ZNF184: variants seen among roughly 807,000 people sequenced by gnomAD.
ZNF184 encodes the protein zinc finger protein 184 (Kruppel-like).
ZNF184 carries 16 observed loss-of-function variants against 54.4 expected under a neutral mutation model. That is an observed-to-expected ratio of 0.29 (90% CI 0.20 to 0.45). The LOEUF is 0.45. ZNF184 is among the 20% of genes least tolerant of loss of function. ZNF184 has a pLI of 1.00. For missense variants in ZNF184, 681 were observed against 888.2 expected (o/e 0.77, Z 2.97); for synonymous variants, 254 against 295.3 (o/e 0.86, Z 1.43).
rs1344946059 is a variant in ZNF184 at position 27,451,808 on chromosome 6, C to T, written c.1751G>A (p.Arg584Gln). 4.3e-6 allele frequency: 7 copies of T among 1,613,638 alleles called. No homozygotes were observed. The highest frequency in any genetic ancestry group is 5.1e-6 in the Non-Finnish European group (6 of 1,179,990). ...IQHRKIHTGE[R>Q]PYKCNECGRA... is the part of the protein sequence containing the mutation. ...CCCACACTCATTACACTTGTAAGGTCGTTCTCCAGTATGGATCTTCCTATG... is the reference window on the plus strand; with the variant it reads ...CCCACACTCATTACACTTGTAAGGTTGTTCTCCAGTATGGATCTTCCTATG... Residue 584 changes from arginine (R) to glutamine (Q), a missense_variant, in exon 6 of 6, where the codon CGA becomes CAA. Transcript: ENST00000683788.
the ZNF184 span, among the ~76,000 whole-genome samples, chr6:27,422,944 T>C: frequency 6.6e-6 from 1 of 152,170 alleles, no homozygotes; most frequent in Non-Finnish European, 1.5e-5. Context: ...AGATCCTAGG[T>C]CCCGCATCCC....
downstream of ZNF184, among the ~76,000 whole-genome samples, chr6:27,450,137 C>T (rs1762683405): frequency 6.6e-6 from 1 of 152,188 alleles, no homozygotes; most frequent in Admixed American, 6.5e-5. Context: ...ATCTCACTGA[C>T]TGTCAAAACA....
At chr6:27,454,147 A>G (rs1762799174) in intron 5 of ZNF184, among the ~76,000 whole-genome samples, 2 of 152,220 alleles carry the variant, frequency 1.3e-5, no homozygotes, top group Admixed American at 1.3e-4. Context: ...TGACAACTAA[A>G]AGAAGCAGGG....
chr6:27,431,877 G>A, the ZNF184 span, among the ~76,000 whole-genome samples: 1 of 152,142 alleles, frequency 6.6e-6, no homozygotes, highest in Non-Finnish European at 1.5e-5. Flanking sequence ...TGGTTTAGAT[G>A]TCAAGACTGA....
chr6:27,446,956 C>T (rs1409979234), downstream of ZNF184, among the ~76,000 whole-genome samples: 2 of 151,896 alleles, frequency 1.3e-5, no homozygotes, highest in South Asian at 4.2e-4. Context: ...ACCAGCCTGG[C>T]CAACCTGGTG....
At chr6:27,419,491 A>G in the ZNF184 span, among the ~76,000 whole-genome samples, 1 of 152,038 alleles carries the variant, frequency 6.6e-6, no homozygotes, top group East Asian at 1.9e-4. The surrounding 1 kb of genome is among the most constrained non-coding windows in gnomAD (Gnocchi z 4.8). Context: ...GATTCTGTAT[A>G]CTTTCCCTGC....
the ZNF184 span, among the ~76,000 whole-genome samples, chr6:27,441,872 T>C: frequency 1.3e-5 from 2 of 152,216 alleles, no homozygotes; most frequent in African/African-American, 4.8e-5. Context: ...CTGAAATACT[T>C]AGTGAACACA....
the ZNF184 span, among the ~76,000 whole-genome samples, chr6:27,415,545 T>C: frequency 1.3e-5 from 2 of 152,116 alleles, no homozygotes; most frequent in Non-Finnish European, 2.9e-5. Flanking sequence ...TTGGATGCAA[T>C]AAGGAATTAA....
rs75556497 is a variant in ZNF184 at position 27,465,961 on chromosome 6, A to C, written c.75+1892T>G. On this transcript the variant is annotated intron_variant, in intron 3 of 5. Transcript: ENST00000683788. ...CCATGTCCCAACCCTGAAACCTGTG[A>C]ATTTGTTACCTAACATGGCAAAAGA... 2.0e-3 allele frequency among the ~76,000 whole-genome samples: 300 copies of C among 152,330 alleles called. 2 individuals are homozygous for C. The highest frequency in any genetic ancestry group is 6.6e-3 in the African/African-American group (274 of 41,564).
chr6:27,464,506 T>C (rs545988020), intron 3 of ZNF184, among the ~76,000 whole-genome samples: 1 of 148,220 alleles, frequency 6.7e-6, no homozygotes, highest in South Asian at 2.1e-4. Flanking sequence ...ATGAAGGAGA[T>C]AAAATAGAAT....
chr6:27,456,681 G>C, intron 5 of ZNF184, 145 bp downstream of exon 5: 1 of 682,254 alleles, frequency 1.5e-6, no homozygotes, highest in South Asian at 2.0e-5. Flanking sequence ...GCATAAGAAA[G>C]TCCAGAAAAC....
chr6:27,419,527 C>CAGATAGAT, the ZNF184 span, among the ~76,000 whole-genome samples: 3,249 of 149,120 alleles, frequency 0.022, 37 homozygotes, highest in African/African-American at 0.029. The surrounding 1 kb of genome is among the most constrained non-coding windows in gnomAD (Gnocchi z 4.8). Context: ...TTTCAATATT[C>CAGATAGAT]AGATAGATAG....
chr6:27,443,078 A>G, the ZNF184 span, among the ~76,000 whole-genome samples: 7 of 152,338 alleles, frequency 4.6e-5, no homozygotes, highest in East Asian at 1.3e-3. Flanking sequence ...ATTTGTCACA[A>G]TGATGGAATT....
chr6:27,454,772 CA>C (rs1762815047), intron 5 of ZNF184, among the ~76,000 whole-genome samples: 1 of 152,176 alleles, frequency 6.6e-6, no homozygotes, highest in Admixed American at 6.5e-5. Context: ...TCCCAAAGAC[CA>C]GATTGAAAAA....
chr6:27,444,642 T>C, the ZNF184 span, among the ~76,000 whole-genome samples: 2 of 152,168 alleles, frequency 1.3e-5, no homozygotes, highest in African/African-American at 4.8e-5. Flanking sequence ...CTACCAAAAC[T>C]GCTCCTAAGA....
chr6:27,422,057 C>T, the ZNF184 span, among the ~76,000 whole-genome samples: 215 of 150,850 alleles, frequency 1.4e-3, 4 homozygotes, highest in Middle Eastern at 0.014. Flanking sequence ...GGGAGGATCG[C>T]TTGAGCCTAG....
At chr6:27,448,772 T>C (rs1276688387), downstream of ZNF184, among the ~76,000 whole-genome samples, 1 of 152,040 alleles carries the variant, frequency 6.6e-6, no homozygotes, top group Non-Finnish European at 1.5e-5. Flanking sequence ...TCCTTTTTTT[T>C]TTTCCCCCAT....
the ZNF184 span, among the ~76,000 whole-genome samples, chr6:27,408,707 GT>G: frequency 1.3e-5 from 2 of 152,054 alleles, no homozygotes; most frequent in African/African-American, 4.8e-5. Context: ...TTACTTTTCT[GT>G]CGTCTTCAAC....
At chr6:27,449,763 A>G (rs941662283), downstream of ZNF184, among the ~76,000 whole-genome samples, 7 of 151,648 alleles carry the variant, frequency 4.6e-5, no homozygotes, top group Non-Finnish European at 7.4e-5. Context: ...AAATTAAAGA[A>G]AAAAAAAAGA....
Sources: gnomAD v4.1 joint callset for allele counts (sites outside exome capture counted in the v4.1 genomes callset) on GRCh38, gnomAD v4.1.1 for gene constraint, Gnocchi (gnomAD v3.1) non-coding constraint, MANE v1.5 for transcripts, NCBI Gene and HGNC (gene_info 2026-07-23, HGNC 2026-07-21) for gene names.